Variants in ZNRF2 observed in about 807,000 individuals in gnomAD.
ZNRF2 encodes zinc and ring finger 2.
ZNRF2 carries 16 observed loss-of-function variants against 20.4 expected under a neutral mutation model. The ratio of observed to expected loss-of-function variants is 0.79; its 90% CI spans 0.53 to 1.19. The LOEUF is 1.19. Among genes scored for constraint, ZNRF2 ranks in the 50% most tolerant of loss-of-function variants. The pLI, the probability that ZNRF2 is intolerant of heterozygous loss-of-function variation, is 0.00. For synonymous variants in ZNRF2, 178 were observed against 144.9 expected (o/e 1.23, Z -1.64); for missense variants, 363 against 332.4 (o/e 1.09, Z -0.72).
At chr7:30,306,270 A>G (rs898079109) in intron 1 of ZNRF2, among the ~76,000 whole-genome samples, 1 of 152,170 alleles carries the variant, frequency 6.6e-6, no homozygotes, top group Non-Finnish European at 1.5e-5. Flanking sequence ...ACTTAAAATA[A>G]TGAAAGCTAT....
intron 1 of ZNRF2, among the ~76,000 whole-genome samples, chr7:30,307,839 A>T (rs765942037): frequency 3.3e-5 from 5 of 152,200 alleles, no homozygotes; most frequent in Non-Finnish European, 7.4e-5. Flanking sequence ...GTGTGTTAAA[A>T]CTTATAGTAG....
At chr7:30,347,015 A>G (rs1799889636) in intron 2 of ZNRF2, among the ~76,000 whole-genome samples, 1 of 152,032 alleles carries the variant, frequency 6.6e-6, no homozygotes, top group Admixed American at 6.6e-5. Flanking sequence ...CATTCTAGGA[A>G]TTTTTACTGG....
rs1323458243 is a variant in ZNRF2 at position 30,305,781 on chromosome 7, C to T, written c.470-17861C>T. Among the ~76,000 whole-genome samples the T allele has an allele frequency of 2.0e-5, 3 of 152,044 alleles. No individual in the cohort carries two copies. The East Asian group carries it at 5.8e-4, about 29-fold the overall frequency. On this transcript the variant is annotated intron_variant, in intron 1 of 4. Transcript: ENST00000323037. Reference sequence around the variant, plus strand: ...TAAGATTAAAGTGTCATATTTCCTACTTGTTTGTTTAGTTTATCCTCTGGT... The same window carrying T: ...TAAGATTAAAGTGTCATATTTCCTATTTGTTTGTTTAGTTTATCCTCTGGT...
intron 1 of ZNRF2, among the ~76,000 whole-genome samples, chr7:30,303,598 G>A (rs192626877): frequency 1.3e-4 from 20 of 152,320 alleles, no homozygotes; most frequent in Admixed American, 2.0e-4. Context: ...AAACTGTGAT[G>A]TTAGTGTTTT....
intron 2 of ZNRF2, among the ~76,000 whole-genome samples, chr7:30,338,428 C>T (rs1253706038): frequency 7.2e-6 from 1 of 139,576 alleles, no homozygotes; most frequent in Non-Finnish European, 1.6e-5. Context: ...CCCTAGCCCC[C>T]CCCCACCCCC....
intron 2 of ZNRF2, among the ~76,000 whole-genome samples, chr7:30,334,735 A>G (rs1302361103): frequency 6.6e-6 from 1 of 152,202 alleles, no homozygotes; most frequent in Non-Finnish European, 1.5e-5. Context: ...GAGGTTAATT[A>G]GAAAACTACT....
chr7:30,344,128 G>A (rs1799840557), intron 2 of ZNRF2, among the ~76,000 whole-genome samples: 1 of 151,654 alleles, frequency 6.6e-6, no homozygotes, highest in African/African-American at 2.4e-5. Context: ...CAGCATGTTG[G>A]CGAGGCTGGT....
chr7:30,286,086 C>T (rs1054473379), intron 1 of ZNRF2, among the ~76,000 whole-genome samples: 1 of 152,190 alleles, frequency 6.6e-6, no homozygotes, highest in African/African-American at 2.4e-5. Context: ...TAGAGAAAGT[C>T]TATTTTCCAG....
chr7:30,293,230 T>A (rs1038511374), intron 1 of ZNRF2, among the ~76,000 whole-genome samples: 21 of 151,994 alleles, frequency 1.4e-4, no homozygotes, highest in African/African-American at 5.1e-4. Flanking sequence ...ATGAACACCC[T>A]GGTAAGCAAA....
intron 1 of ZNRF2, among the ~76,000 whole-genome samples, chr7:30,304,792 C>T: frequency 6.6e-6 from 1 of 152,114 alleles, no homozygotes; most frequent in African/African-American, 2.4e-5. Flanking sequence ...CTCATTAACC[C>T]ACCAAAAAGT....
At chr7:30,287,539 A>G (rs554430959) in intron 1 of ZNRF2, among the ~76,000 whole-genome samples, 1 of 152,376 alleles carries the variant, frequency 6.6e-6, no homozygotes, top group South Asian at 2.1e-4. Context: ...AATGCATTCT[A>G]TTCAGAGCAA....
chr7:30,314,397 T>TA (rs1267039425), intron 1 of ZNRF2, among the ~76,000 whole-genome samples: 1 of 152,164 alleles, frequency 6.6e-6, no homozygotes, highest in Non-Finnish European at 1.5e-5. Context: ...GGCCCACTGT[T>TA]AAGATATTTA....
intron 1 of ZNRF2, among the ~76,000 whole-genome samples, chr7:30,299,074 G>C (rs13309578): frequency 2.0e-5 from 3 of 152,032 alleles, no homozygotes; most frequent in African/African-American, 7.3e-5. Context: ...TGTACAACTA[G>C]TTATCTTTAC....
intron 2 of ZNRF2, among the ~76,000 whole-genome samples, chr7:30,355,275 G>A (rs928491756): frequency 5.3e-5 from 8 of 151,622 alleles, no homozygotes; most frequent in Non-Finnish European, 1.2e-4. Context: ...CCACATTTGG[G>A]GTGATTTCTT....
chr7:30,323,106 A>C (rs1799500796), intron 1 of ZNRF2, among the ~76,000 whole-genome samples: 1 of 152,196 alleles, frequency 6.6e-6, no homozygotes, highest in Non-Finnish European at 1.5e-5. Flanking sequence ...AAAGACCATT[A>C]AAGTAGAAGT....
At chr7:30,292,254 A>G (rs1798924591) in intron 1 of ZNRF2, among the ~76,000 whole-genome samples, 1 of 152,208 alleles carries the variant, frequency 6.6e-6, no homozygotes, top group African/African-American at 2.4e-5. Context: ...TTAATTTCCC[A>G]TATGATTTCT....
chr7:30,350,104 A>T (rs1472073657), intron 2 of ZNRF2, among the ~76,000 whole-genome samples: 1 of 151,992 alleles, frequency 6.6e-6, no homozygotes, highest in African/African-American at 2.4e-5. Flanking sequence ...TTAGCTTTTT[A>T]AGGTAAGTTA....
chr7:30,316,973 T>C (rs934358599), intron 1 of ZNRF2, among the ~76,000 whole-genome samples: 5 of 152,226 alleles, frequency 3.3e-5, no homozygotes, highest in Non-Finnish European at 7.3e-5. Flanking sequence ...AGTTCTTTGC[T>C]TATGGAAGTT....
intron 2 of ZNRF2, among the ~76,000 whole-genome samples, chr7:30,344,741 A>G (rs1035423245): frequency 6.6e-6 from 1 of 152,186 alleles, no homozygotes; most frequent in Non-Finnish European, 1.5e-5. Flanking sequence ...GTTCATCCTC[A>G]TAGAAATCCT....
Sources: gnomAD v4.1 joint callset for allele counts (sites outside exome capture counted in the v4.1 genomes callset) on GRCh38, gnomAD v4.1.1 for gene constraint, MANE v1.5 for transcripts, NCBI Gene and HGNC (gene_info 2026-07-23, HGNC 2026-07-21) for gene names.